Variants in ZBBX observed in about 807,000 individuals in gnomAD.
ZBBX encodes zinc finger B-box domain containing, also known as zinc finger B-box domain-containing protein 1.
ZBBX carries 101 observed loss-of-function variants against 108.5 expected under a neutral mutation model. The ratio of observed to expected loss-of-function variants is 0.93; its 90% CI spans 0.79 to 1.10. ZBBX has a LOEUF of 1.10. Ranked by LOEUF, ZBBX falls within the 50% of genes least tolerant of loss-of-function variation. ZBBX has a pLI of 0.00. For missense variants in ZBBX, 1,009 were observed against 941.4 expected (o/e 1.07, Z -0.94); for synonymous variants, 356 against 323.4 (o/e 1.10, Z -1.08).
the ZBBX span, among the ~76,000 whole-genome samples, chr3:167,197,859 T>A: frequency 6.6e-6 from 1 of 152,218 alleles, no homozygotes; most frequent in African/African-American, 2.4e-5. Context: ...AATATTGACA[T>A]ATAAGAACTA....
In ZBBX at chr3:167,333,995, A is replaced by T. The variant is rs1428785723; in HGVS notation, c.529-10T>A. 3 of 1,501,000 alleles carry T rather than the reference A, an allele frequency of 2.0e-6. No homozygotes were observed. Among genetic ancestry groups the T allele is most frequent in the Non-Finnish European group, 2.7e-6 (3 of 1,121,638 alleles). 93.0% of individuals were successfully genotyped at this position (1,501,000 alleles called of 1,614,324 possible). On this transcript the variant is annotated splice_polypyrimidine_tract_variant and intron_variant, in intron 9 of 21. Coordinates refer to ENST00000675490, the MANE Select transcript of ZBBX (RefSeq NM_001199201.2). ...ATATTTGAGATTTTGCCTATTAAAA[A>T]AGTAACAATATAATTAAAGCGCCTC...
At chr3:167,362,677 T>C (rs552049354) in intron 6 of ZBBX, among the ~76,000 whole-genome samples, 1 of 152,262 alleles carries the variant, frequency 6.6e-6, no homozygotes, top group South Asian at 2.1e-4. Context: ...CACCTTTGCT[T>C]AGACACAATC....
rs150104203 is a variant in ZBBX at position 167,263,183 on chromosome 3, C to T, written c.2254+19055G>A. Among the ~76,000 whole-genome samples the T allele has an allele frequency of 6.3e-3, 953 of 151,520 alleles. 7 individuals carry two copies. Among genetic ancestry groups the T allele is most frequent in the African/African-American group, 0.021 (848 of 41,326 alleles). ...TCCCAAGTACCTGGGATTACAGGCACGCACCACTGCGCCCAACTAATTTTT... is the reference window on the plus strand; with the variant it reads ...TCCCAAGTACCTGGGATTACAGGCATGCACCACTGCGCCCAACTAATTTTT... On this transcript the variant is annotated intron_variant, in intron 20 of 21. Coordinates refer to ENST00000675490, the MANE Select transcript of ZBBX (RefSeq NM_001199201.2).
the ZBBX span, among the ~76,000 whole-genome samples, chr3:167,186,314 A>G: frequency 2.0e-5 from 3 of 152,124 alleles, no homozygotes; most frequent in African/African-American, 7.2e-5. Flanking sequence ...ATAAAATGAA[A>G]CTAGGGACCA....
At chr3:167,222,044 C>A in the ZBBX span, among the ~76,000 whole-genome samples, 1 of 151,806 alleles carries the variant, frequency 6.6e-6, no homozygotes, top group Non-Finnish European at 1.5e-5. Flanking sequence ...CCAGCAATCC[C>A]ACTGCTGGGT....
chr3:167,369,114 C>T (rs1039406915), intron 4 of ZBBX, among the ~76,000 whole-genome samples: 17 of 152,086 alleles, frequency 1.1e-4, no homozygotes, highest in African/African-American at 3.4e-4. Flanking sequence ...AGTTTTGGTA[C>T]GGGAGCTTCC....
intron 8 of ZBBX, among the ~76,000 whole-genome samples, chr3:167,358,790 G>T (rs545390359): frequency 6.6e-6 from 1 of 151,912 alleles, no homozygotes; most frequent in African/African-American, 2.4e-5. Context: ...CAAAAAATTA[G>T]CTGGGCGTGG....
At chr3:167,331,956 T>A (rs1383228003) in intron 10 of ZBBX, among the ~76,000 whole-genome samples, 1 of 152,096 alleles carries the variant, frequency 6.6e-6, no homozygotes, top group East Asian at 1.9e-4. Flanking sequence ...TTGGCTTTGA[T>A]CCATTAAAAA....
chr3:167,341,636 T>C (rs1340628534), intron 9 of ZBBX, among the ~76,000 whole-genome samples: 1 of 151,932 alleles, frequency 6.6e-6, no homozygotes, highest in East Asian at 1.9e-4. Flanking sequence ...ACCTGTAATT[T>C]TGCTTTCTAT....
chr3:167,229,572 A>G, the ZBBX span, among the ~76,000 whole-genome samples: 1 of 151,828 alleles, frequency 6.6e-6, no homozygotes, highest in African/African-American at 2.4e-5. Context: ...ATACTTCGGA[A>G]ATATGATGAT....
intron 20 of ZBBX, among the ~76,000 whole-genome samples, chr3:167,278,583 G>T (rs1213464989): frequency 6.7e-6 from 1 of 149,952 alleles, no homozygotes; most frequent in South Asian, 2.2e-4. Context: ...ACCAATAACA[G>T]GATCTGAAAT....
At chr3:167,241,282 T>C (rs772304752) in intron 21 of ZBBX, among the ~76,000 whole-genome samples, 4 of 152,174 alleles carry the variant, frequency 2.6e-5, no homozygotes, top group African/African-American at 9.7e-5. Context: ...TCCCAGTGAA[T>C]AGACTGCCAG....
Position 167,372,881 on chromosome 3 carries a change from T to C in ZBBX, c.21A>G (p.Val7=). MNRKDF[V]VLPWGKPGNS... is the part of the protein sequence containing the mutation. ...TTCCAGGTTTTCCCCATGGAAGAAC[T>C]ACAAAATCTTTTCTGTTCATGATTA... The change falls in exon 4 of 22, where the codon GTA becomes GTG. Residue 7 remains valine, a synonymous_variant. Transcript: ENST00000675490. 2.5e-6 allele frequency: 4 copies of C among 1,601,996 alleles called. No homozygotes were observed. The highest frequency in any genetic ancestry group is 1.7e-4 in the Middle Eastern group (1 of 5,996).
At chr3:167,280,448 TGAACAGACACTTCTCAAAA>T (rs1342799369) in intron 20 of ZBBX, among the ~76,000 whole-genome samples, 1 of 150,224 alleles carries the variant, frequency 6.7e-6, no homozygotes, top group Admixed American at 6.6e-5. Context: ...GTGAAGGACA[TGAACAGACACTTCTCAAAA>T]GAAGACATTT....
intron 8 of ZBBX, among the ~76,000 whole-genome samples, chr3:167,357,555 T>C (rs570200867): frequency 2.8e-4 from 43 of 152,178 alleles, no homozygotes; most frequent in African/African-American, 9.4e-4. Flanking sequence ...ATTTGTACAC[T>C]CATGTTCATA....
chr3:167,217,367 G>C, the ZBBX span, among the ~76,000 whole-genome samples: 1 of 152,096 alleles, frequency 6.6e-6, no homozygotes, highest in Non-Finnish European at 1.5e-5. Flanking sequence ...ATGAAAAAAA[G>C]TTCAATATCA....
At chr3:167,244,946 A>G (rs1721296170) in intron 20 of ZBBX, among the ~76,000 whole-genome samples, 1 of 152,238 alleles carries the variant, frequency 6.6e-6, no homozygotes, top group African/African-American at 2.4e-5. Context: ...AAACACATAC[A>G]TAAAACTATA....
chr3:167,189,197 C>A, the ZBBX span, among the ~76,000 whole-genome samples: 1 of 152,072 alleles, frequency 6.6e-6, no homozygotes, highest in South Asian at 2.1e-4. Context: ...TCCGCTATAT[C>A]CTCAGATTAC....
intron 13 of ZBBX, 80 bp from the exon 14 acceptor site, chr3:167,317,185 A>T (rs941576685): frequency 1.0e-6 from 1 of 964,718 alleles, no homozygotes; most frequent in African/African-American, 1.7e-5. Flanking sequence ...TAGCCACCAA[A>T]AAAGAAGAGT....
Sources: gnomAD v4.1 joint callset for allele counts (sites outside exome capture counted in the v4.1 genomes callset) on GRCh38, gnomAD v4.1.1 for gene constraint, MANE v1.5 for transcripts, NCBI Gene and HGNC (gene_info 2026-07-23, HGNC 2026-07-21) for gene names.